The following SETD5 variants were observed in gnomAD, a reference collection of about 807,000 sequenced individuals.
SETD5 encodes the protein SET domain containing 5, also known as histone-lysine N-methyltransferase SETD5.
In SETD5, 44 loss-of-function variants were observed where a neutral mutation model predicts 153.3. The observed-to-expected ratio is 0.29, with a 90% CI of 0.23 to 0.37. The LOEUF (loss-of-function observed/expected upper bound fraction) is 0.37, where lower values mean the gene tolerates loss of function less well. SETD5 is among the 10% of genes least tolerant of loss of function. SETD5 has a pLI of 1.00. For missense variants in SETD5, 1,544 were observed against 1,768.0 expected, an observed-to-expected ratio of 0.87 and a Z score of 2.27; for synonymous variants, 716 against 645.2, an observed-to-expected ratio of 1.11 and a Z score of -1.66.
At chr3:9,462,064 A>G (rs1344762521) in intron 17 of SETD5, among the ~76,000 whole-genome samples, 1 of 152,130 alleles carries the variant, frequency 6.6e-6, no homozygotes, top group Non-Finnish European at 1.5e-5. Context: ...AATTTTTTGC[A>G]TTTATTCTTC....
chr3:9,473,577 G>A (rs573440689), intron 20 of SETD5, 40 bp downstream of exon 20: 7 of 1,542,592 alleles, frequency 4.5e-6, no homozygotes, highest in South Asian at 3.6e-5. Context: ...AATTGGGGGT[G>A]GGGGGGAGTA....
intron 17 of SETD5, among the ~76,000 whole-genome samples, chr3:9,456,480 T>TAAAAAAA: frequency 8.2e-6 from 1 of 121,786 alleles, no homozygotes. Flanking sequence ...CTTTAAAACT[T>TAAAAAAA]AAAAAAAAAA....
chr3:9,447,974 C>T lies in SETD5; in HGVS notation c.2071C>T (p.Arg691Cys), dbSNP rs1160334956. The change falls in exon 15 of 23, where the codon CGT becomes TGT. Residue 691 changes from arginine (R) to cysteine (C), a missense_variant. Physicochemically the swap from Arg to Cys is radical, Grantham distance 180. Transcript: ENST00000402198. Reference sequence around the variant, plus strand: ...GTCAATTACTGGATCCCATGTCAACCGTGCTGCATCTAAATACCCCAAAAC... The same window carrying T: ...GTCAATTACTGGATCCCATGTCAACTGTGCTGCATCTAAATACCCCAAAAC... ...VVSITGSHVN[R>C]AASKYPKTKK... The T allele has an allele frequency of 1.2e-6, 2 of 1,613,484 alleles. No individual in the cohort carries two copies. Among genetic ancestry groups the T allele is most frequent in the South Asian group, 1.1e-5 (1 of 91,048 alleles).
At position 9,447,948 on chromosome 3, in the gene SETD5, T is replaced by C. The variant is rs1276209121; in HGVS notation, c.2045T>C (p.Val682Ala). 31 of 1,613,826 alleles carry C rather than the reference T, an allele frequency of 1.9e-5. No individual in the cohort carries two copies. The highest frequency in any genetic ancestry group is 2.5e-5 in the Non-Finnish European group (30 of 1,179,860). The stretch of plus-strand genomic sequence containing the variant: ...TTAACAGGGTCTGACCCAACTGTGG[T>C]GTCAATTACTGGATCCCATGTCAAC... ...RPLTGSDPTV[V>A]SITGSHVNRA... Residue 682 changes from valine (V) to alanine (A), a missense_variant, in exon 15 of 23, where the codon GTG becomes GCG. Physicochemically the swap from Val to Ala is moderately conservative, Grantham distance 64 (BLOSUM62 0). This residue lies in a region of SETD5 where 782 missense variants were observed against 787.2 expected (regional missense o/e 0.99). Coordinates refer to ENST00000402198, the MANE Select transcript of SETD5 (RefSeq NM_001080517.3).
chr3:9,399,860 G>A (rs568425006), intron 1 of SETD5, among the ~76,000 whole-genome samples: 1 of 151,448 alleles, frequency 6.6e-6, no homozygotes, highest in South Asian at 2.1e-4. Context: ...TGTAAGGAGT[G>A]GGGGTGGGGT....
chr3:9,443,746 G>C (rs1282287813), intron 11 of SETD5, among the ~76,000 whole-genome samples: 1 of 152,198 alleles, frequency 6.6e-6, no homozygotes, highest in Non-Finnish European at 1.5e-5. Flanking sequence ...TATGCACAGA[G>C]TACTTATGTC....
At chr3:9,459,521 A>T (rs577105482) in intron 17 of SETD5, among the ~76,000 whole-genome samples, 1 of 152,174 alleles carries the variant, frequency 6.6e-6, no homozygotes, top group African/African-American at 2.4e-5. Flanking sequence ...CTGTAATCCC[A>T]GCACTTTGGG....
intron 3 of SETD5, chr3:9,431,861 C>T: frequency 3.5e-6 from 1 of 281,700 alleles, no homozygotes; most frequent in Non-Finnish European, 5.4e-6. Flanking sequence ...TCCTAATAAA[C>T]AGCTATCATG....
At chr3:9,466,973 G>A (rs2044655842) in intron 18 of SETD5, among the ~76,000 whole-genome samples, 1 of 152,034 alleles carries the variant, frequency 6.6e-6, no homozygotes, top group Non-Finnish European at 1.5e-5. Context: ...AGACTGCAGT[G>A]AGCCATTATT....
chr3:9,406,830 T>A (rs1437796582), intron 1 of SETD5, among the ~76,000 whole-genome samples: 2 of 152,314 alleles, frequency 1.3e-5, no homozygotes, highest in Admixed American at 1.3e-4. Flanking sequence ...TACCAAATTG[T>A]TACACATTTT....
intron 1 of SETD5, among the ~76,000 whole-genome samples, chr3:9,414,985 T>C (rs941407870): frequency 6.6e-6 from 1 of 152,220 alleles, no homozygotes; most frequent in Non-Finnish European, 1.5e-5. Flanking sequence ...AAATCTGAGA[T>C]AGTCTGTGTT....
At chr3:9,447,502 C>T (rs1047354508) in intron 14 of SETD5, among the ~76,000 whole-genome samples, 184 bp from the exon 15 acceptor site, 13 of 150,958 alleles carry the variant, frequency 8.6e-5, no homozygotes, top group Non-Finnish European at 1.6e-4. Flanking sequence ...AAACATTTGT[C>T]GCTAGCCTCT....
At chr3:9,441,876 C>T (rs2041336478) in intron 9 of SETD5, 135 bp downstream of exon 9, 5 of 1,098,854 alleles carry the variant, frequency 4.6e-6, no homozygotes, top group Non-Finnish European at 5.4e-6. Context: ...CACCTGTCTG[C>T]TATTTGTAGA....
chr3:9,408,038 G>A (rs892760615), intron 1 of SETD5, among the ~76,000 whole-genome samples: 5 of 151,758 alleles, frequency 3.3e-5, no homozygotes, highest in African/African-American at 9.7e-5. Context: ...TAGTGACCAC[G>A]TTTTACTTTC....
At chr3:9,451,543 G>A (rs1305458725) in intron 16 of SETD5, among the ~76,000 whole-genome samples, 1 of 152,048 alleles carries the variant, frequency 6.6e-6, no homozygotes, top group Admixed American at 6.6e-5. Flanking sequence ...GACCTCCTGG[G>A]CTCAAATGGT....
chr3:9,447,136 A>G lies in SETD5; in HGVS notation c.1611A>G (p.Glu537=). 6.2e-7 allele frequency: 1 copy of G among 1,614,048 alleles called. No individual in the cohort carries two copies. Among genetic ancestry groups the G allele is most frequent in the Non-Finnish European group, 8.5e-7 (1 of 1,179,914 alleles). Residue 537 remains glutamate (E), a synonymous_variant, in exon 14 of 23, where the codon GAA becomes GAG. Transcript: ENST00000402198. The part of the protein sequence containing the change: ...KRKKRRDQPL[E]QSNSDVEITT... Reference sequence around the variant, plus strand: ...AGAAGCGGCGGGATCAGCCCTTGGAACAGAGCAACTCTGATGTAGAGATTA... The same window carrying G: ...AGAAGCGGCGGGATCAGCCCTTGGAGCAGAGCAACTCTGATGTAGAGATTA...
intron 3 of SETD5, chr3:9,430,949 T>C (rs1343247960): frequency 1.4e-5 from 14 of 985,490 alleles, no homozygotes; most frequent in Non-Finnish European, 1.7e-5. Flanking sequence ...TACATAGTTA[T>C]GCATTTCTGC....
rs753173830 is a variant in SETD5, at chr3:9,464,410, C to G, written c.2477-15C>G. The G allele has an allele frequency of 6.2e-6, 10 of 1,600,454 alleles. No homozygotes were observed. The African/African-American group carries it at 1.1e-4, about 17-fold the overall frequency. ...CTGTGGTTTCAAACTCTCATCCAAG[C>G]TTTGTGTTTCACAGACTTGTTGAGC... On this transcript the variant is annotated splice_polypyrimidine_tract_variant and intron_variant, in intron 17 of 22. Coordinates refer to ENST00000402198, the MANE Select transcript of SETD5 (RefSeq NM_001080517.3).
At chr3:9,462,109 T>C (rs986753772) in intron 17 of SETD5, among the ~76,000 whole-genome samples, 1 of 152,212 alleles carries the variant, frequency 6.6e-6, no homozygotes, top group Non-Finnish European at 1.5e-5. Context: ...CCTAGTTTAG[T>C]GCCTCATAAT....
Sources: gnomAD v4.1 joint callset for allele counts (sites outside exome capture counted in the v4.1 genomes callset) on GRCh38, gnomAD v4.1.1 for gene constraint, gnomAD v4.1.1 regional missense constraint, MANE v1.5 for transcripts, NCBI Gene and HGNC (gene_info 2026-07-23, HGNC 2026-07-21) for gene names.